The following SLC12A6 variants were observed in gnomAD, a reference collection of about 807,000 sequenced individuals.
SLC12A6 encodes the protein solute carrier family 12 member 6, also known as K-Cl cotransporter 3.
In SLC12A6, 66 loss-of-function variants were observed where a neutral mutation model predicts 135.3. That is an observed-to-expected ratio of 0.49 (90% CI 0.40 to 0.60). The LOEUF is 0.60. Ranked by LOEUF, SLC12A6 falls within the 20% of genes least tolerant of loss-of-function variation. SLC12A6 has a pLI of 0.00. For missense variants in SLC12A6, 1,058 were observed against 1,452.3 expected (o/e 0.73, Z 4.41); for synonymous variants, 513 against 508.8 (o/e 1.01, Z -0.11).
At position 34,260,975 on chromosome 15, in the gene SLC12A6, T is replaced by C. The variant is rs778522960; in HGVS notation, c.362A>G (p.Asn121Ser). The C allele has an allele frequency of 3.4e-5, 54 of 1,579,824 alleles. No individual in the cohort carries two copies. The highest frequency in any genetic ancestry group is 4.4e-5 in the Non-Finnish European group (50 of 1,148,996). ...AAAATATTCATCTCCTTCTTCATAA[T>C]TGGAATTATTGAGATAAGCATTTCG... ...KARNAYLNNS[N>S]YEEGDEYFDK... is the part of the protein sequence containing the mutation. Residue 121 changes from asparagine (N) to serine (S), a missense_variant, in exon 4 of 26, where the codon AAT becomes AGT. Around this residue, in one of 6 missense-constraint regions of SLC12A6, gnomAD observed 176 missense variants for 168.9 expected, o/e 1.04. Coordinates refer to ENST00000354181, the MANE Select transcript of SLC12A6 (RefSeq NM_001365088.1).
At chr15:34,337,805 G>C (rs1890296749), upstream of SLC12A6, 1 of 152,208 alleles carries the variant, frequency 6.6e-6, no homozygotes, top group Non-Finnish European at 1.5e-5. Context: ...GGCGCGCGCA[G>C]GGTTCGCGCT....
rs568509339 is a variant in SLC12A6 at position 34,335,941 on chromosome 15, C to G, written c.271+469G>C. The stretch of plus-strand genomic sequence containing the variant: ...ATACAGATTTCAAAAAAGAATTTTG[C>G]AATACACATTCGAAGTCTTGGAGGA... On this transcript the variant is annotated intron_variant, in intron 2 of 25. Transcript: ENST00000354181. Among the ~76,000 whole-genome samples the G allele has an allele frequency of 2.0e-4, 30 of 152,272 alleles. 1 individual carries two copies. Among genetic ancestry groups the G allele is most frequent in the African/African-American group, 6.3e-4 (26 of 41,542 alleles).
intron 2 of SLC12A6, among the ~76,000 whole-genome samples, chr15:34,313,852 G>C (rs1351988362): frequency 6.6e-6 from 1 of 151,584 alleles, no homozygotes; most frequent in Non-Finnish European, 1.5e-5. Flanking sequence ...CACATCTGCA[G>C]TCTCAGCTAC....
chr15:34,253,450 C>T (rs1308142231), intron 9 of SLC12A6, among the ~76,000 whole-genome samples: 1 of 152,178 alleles, frequency 6.6e-6, no homozygotes, highest in African/African-American at 2.4e-5. Context: ...ATTACAGTCC[C>T]TAGATAAGCA....
intron 2 of SLC12A6, among the ~76,000 whole-genome samples, chr15:34,285,907 G>C (rs966717167): frequency 6.6e-6 from 1 of 151,892 alleles, no homozygotes; most frequent in Non-Finnish European, 1.5e-5. Flanking sequence ...AAACAGAATG[G>C]TGGTTAACGG....
chr15:34,234,316 C>T (rs1891108880), intron 25 of SLC12A6, among the ~76,000 whole-genome samples: 1 of 152,124 alleles, frequency 6.6e-6, no homozygotes, highest in African/African-American at 2.4e-5. Context: ...AGTGAAGCTG[C>T]TCAAGTCAGA....
intron 3 of SLC12A6, among the ~76,000 whole-genome samples, chr15:34,269,365 C>T (rs1053206510): frequency 1.3e-5 from 2 of 151,962 alleles, no homozygotes; most frequent in East Asian, 1.9e-4. Context: ...AAACACTTTA[C>T]TGTTGTGATG....
intron 3 of SLC12A6, among the ~76,000 whole-genome samples, chr15:34,262,671 C>T (rs1244092639): frequency 2.6e-5 from 4 of 152,156 alleles, no homozygotes; most frequent in Admixed American, 1.3e-4. Flanking sequence ...ACGGTAACAC[C>T]CCCTCTGAGG....
At chr15:34,317,884 C>T (rs917800436) in intron 2 of SLC12A6, among the ~76,000 whole-genome samples, 3 of 152,076 alleles carry the variant, frequency 2.0e-5, no homozygotes, top group African/African-American at 7.2e-5. Context: ...AAATTCAAAA[C>T]CACAATTCCT....
intron 11 of SLC12A6, 52 bp from the exon 12 acceptor site, chr15:34,250,781 T>C (rs774808214): frequency 5.9e-6 from 8 of 1,360,322 alleles, no homozygotes; most frequent in South Asian, 5.8e-5. Flanking sequence ...CACTTTGATA[T>C]TGATACTGAT....
intron 13 of SLC12A6, among the ~76,000 whole-genome samples, chr15:34,247,774 G>C (rs1892100034): frequency 6.6e-6 from 1 of 150,946 alleles, no homozygotes; most frequent in Non-Finnish European, 1.5e-5. Flanking sequence ...CTGTGATCAT[G>C]ACTGACTGTA....
At chr15:34,269,274 T>C (rs1437877700) in intron 3 of SLC12A6, among the ~76,000 whole-genome samples, 2 of 152,084 alleles carry the variant, frequency 1.3e-5, no homozygotes, top group East Asian at 3.8e-4. Flanking sequence ...TTCTACTAAA[T>C]ATTTCAGATT....
chr15:34,320,351 G>C (rs1888982571), intron 2 of SLC12A6, among the ~76,000 whole-genome samples: 1 of 152,128 alleles, frequency 6.6e-6, no homozygotes, highest in African/African-American at 2.4e-5. Context: ...CAACACGGAT[G>C]GAACTGGAGG....
intron 2 of SLC12A6, among the ~76,000 whole-genome samples, chr15:34,317,384 T>A (rs534154449): frequency 5.7e-4 from 87 of 152,222 alleles, no homozygotes; most frequent in African/African-American, 2.0e-3. Flanking sequence ...TAAAGGAAAG[T>A]GAGAATCACA....
intron 2 of SLC12A6, among the ~76,000 whole-genome samples, chr15:34,332,466 T>C (rs1794859877): frequency 6.6e-6 from 1 of 152,276 alleles, no homozygotes; most frequent in Non-Finnish European, 1.5e-5. Flanking sequence ...GGAGTATCTG[T>C]TGACTTATAA....
chr15:34,252,008 G>C (rs551616534), intron 10 of SLC12A6, among the ~76,000 whole-genome samples, 162 bp downstream of exon 10: 4 of 152,286 alleles, frequency 2.6e-5, no homozygotes, highest in African/African-American at 9.6e-5. Flanking sequence ...CTTTACTAAT[G>C]GAAAAGCAGA....
intron 24 of SLC12A6, 137 bp from the exon 25 acceptor site, chr15:34,235,451 T>TTTTTTTTTTTG (rs1891192680): frequency 1.4e-6 from 1 of 691,310 alleles, no homozygotes; most frequent in Non-Finnish European, 2.4e-6. Context: ...TTTTTTTTTT[T>TTTTTTTTTTTG]GAGAGGGAGT....
intron 3 of SLC12A6, among the ~76,000 whole-genome samples, chr15:34,268,987 G>A (rs372478364): frequency 6.6e-6 from 1 of 151,962 alleles, no homozygotes; most frequent in Non-Finnish European, 1.5e-5. Flanking sequence ...CTCCCGAGTA[G>A]CTGGAATTAT....
rs146776992 is a variant in SLC12A6 at position 34,308,557 on chromosome 15, G to A, written c.271+27853C>T. 2.5e-3 allele frequency among the ~76,000 whole-genome samples: 382 copies of A among 150,610 alleles called. 1 individual carries two copies. Among genetic ancestry groups the A allele is most frequent in the African/African-American group, 9.0e-3 (367 of 40,746 alleles). Reference sequence around the variant, plus strand: ...GGAGAATTGCCTGAACCTGGGAGGCGGAGGTTGCAGTGAGCCGAGACCACT... The same window carrying A: ...GGAGAATTGCCTGAACCTGGGAGGCAGAGGTTGCAGTGAGCCGAGACCACT... On this transcript the variant is annotated intron_variant, in intron 2 of 25. Coordinates refer to ENST00000354181, the MANE Select transcript of SLC12A6 (RefSeq NM_001365088.1).
Sources: allele counts gnomAD v4.1 joint callset (sites outside exome capture counted in the v4.1 genomes callset), GRCh38; gene constraint gnomAD v4.1.1; regional missense constraint gnomAD v4.1.1; transcripts MANE v1.5; gene names NCBI Gene and HGNC (gene_info 2026-07-23, HGNC 2026-07-21).